The following TBCK variants were observed in gnomAD, a reference collection of about 807,000 sequenced individuals.
The protein encoded by TBCK is TBC1 domain containing kinase, also known as TBC domain-containing protein kinase-like protein.
Under a neutral mutation model 113.4 loss-of-function variants are expected in TBCK, and 99 were observed. The ratio of observed to expected loss-of-function variants is 0.87; its 90% CI spans 0.74 to 1.03. TBCK has a LOEUF of 1.03. Ranked by LOEUF, TBCK falls within the 50% of genes least tolerant of loss-of-function variation. TBCK has a pLI of 0.00. For synonymous variants in TBCK, 369 were observed against 370.8 expected, an observed-to-expected ratio of 1.00 and a Z score of 0.05; for missense variants, 1,045 against 1,061.3, an observed-to-expected ratio of 0.98 and a Z score of 0.21.
chr4:106,235,192 AT>A, intron 15 of TBCK, 76 bp downstream of exon 15: 1 of 886,300 alleles, frequency 1.1e-6, no homozygotes, highest in Non-Finnish European at 1.6e-6. Flanking sequence ...AGAAAAATAT[AT>A]ATTTGGAAAG....
chr4:106,220,537 A>G (rs1757557602), intron 19 of TBCK, among the ~76,000 whole-genome samples: 1 of 138,524 alleles, frequency 7.2e-6, no homozygotes, highest in Admixed American at 7.7e-5. Flanking sequence ...GGGCAAAAAG[A>G]AAAAAAGATG....
intron 5 of TBCK, among the ~76,000 whole-genome samples, chr4:106,260,233 A>G (rs1421777794): frequency 2.0e-5 from 3 of 151,924 alleles, no homozygotes; most frequent in Non-Finnish European, 4.4e-5. Flanking sequence ...TGCCAATTCA[A>G]TGAATGATGA....
intron 25 of TBCK, among the ~76,000 whole-genome samples, chr4:106,086,232 A>G (rs1471761018): frequency 6.6e-6 from 1 of 152,214 alleles, no homozygotes; most frequent in Non-Finnish European, 1.5e-5. Flanking sequence ...TAGACAGGAT[A>G]AAAATGATAA....
intron 25 of TBCK, among the ~76,000 whole-genome samples, chr4:106,055,500 T>C (rs947225002): frequency 9.3e-5 from 14 of 151,348 alleles, no homozygotes; most frequent in Admixed American, 5.3e-4. Context: ...CATCTTAGCA[T>C]GAGTGTGAGT....
intron 20 of TBCK, among the ~76,000 whole-genome samples, chr4:106,211,428 T>C (rs1468117083): frequency 6.6e-6 from 1 of 152,130 alleles, no homozygotes; most frequent in East Asian, 1.9e-4. Context: ...TTTAGGTTTA[T>C]AAAATCATCT....
chr4:106,182,582 C>T (rs1421355794), intron 22 of TBCK: 1 of 151,962 alleles, frequency 6.6e-6, no homozygotes, highest in Non-Finnish European at 1.5e-5. Flanking sequence ...GCATGAAAGG[C>T]TGTTGAATTT....
chr4:106,181,744 A>C (rs1752412701), intron 22 of TBCK, among the ~76,000 whole-genome samples: 1 of 152,122 alleles, frequency 6.6e-6, no homozygotes, highest in Non-Finnish European at 1.5e-5. Context: ...GTTTTTGTAC[A>C]GTACCATGCT....
intron 25 of TBCK, among the ~76,000 whole-genome samples, chr4:106,053,025 A>G (rs1012910085): frequency 2.0e-5 from 3 of 151,730 alleles, no homozygotes; most frequent in African/African-American, 7.2e-5. Flanking sequence ...CTTCCTGTAA[A>G]ATATAATCAA....
chr4:106,090,702 A>G (rs1186714636), intron 25 of TBCK, among the ~76,000 whole-genome samples: 1 of 151,862 alleles, frequency 6.6e-6, no homozygotes, highest in Non-Finnish European at 1.5e-5. Flanking sequence ...TCTGCCAGGT[A>G]TCTTGTCATC....
At chr4:106,217,337 T>C (rs1409314040) in intron 19 of TBCK, among the ~76,000 whole-genome samples, 1 of 152,106 alleles carries the variant, frequency 6.6e-6, no homozygotes, top group African/African-American at 2.4e-5. Flanking sequence ...TCACCACTCC[T>C]ATTCAACATA....
At chr4:106,263,858 TTTAC>T (rs1762729521) in intron 3 of TBCK, among the ~76,000 whole-genome samples, 1 of 152,044 alleles carries the variant, frequency 6.6e-6, no homozygotes, top group African/African-American at 2.4e-5. Flanking sequence ...TGGTTAGATT[TTTAC>T]TTACTTACTA....
In TBCK at chr4:106,177,943, T is replaced by C. The variant is rs150968304; in HGVS notation, c.2060-6673A>G. On this transcript the variant is annotated intron_variant, in intron 22 of 25. Transcript: ENST00000394708. ...AGCATGAACATGTTAACATTATTAATTCTTCTAATCTATAAGCACATGATA... is the reference window on the plus strand; with the variant it reads ...AGCATGAACATGTTAACATTATTAACTCTTCTAATCTATAAGCACATGATA... Among the ~76,000 whole-genome samples the C allele has an allele frequency of 3.0e-4, 45 of 152,166 alleles. 1 individual carries two copies. Among genetic ancestry groups the C allele is most frequent in the African/African-American group, 9.9e-4 (41 of 41,558 alleles).
At chr4:106,063,189 C>T (rs1006234796) in intron 25 of TBCK, among the ~76,000 whole-genome samples, 6 of 151,970 alleles carry the variant, frequency 3.9e-5, no homozygotes, top group African/African-American at 7.2e-5. Context: ...CATTTGCTGA[C>T]GAGCAAGGCA....
chr4:106,047,520 C>A (rs1237300744), intron 25 of TBCK, among the ~76,000 whole-genome samples: 1 of 152,160 alleles, frequency 6.6e-6, no homozygotes, highest in African/African-American at 2.4e-5. Context: ...TAACCTCAAA[C>A]CTGCCTAACT....
intron 23 of TBCK, among the ~76,000 whole-genome samples, chr4:106,135,240 T>A (rs1370000700): frequency 6.6e-6 from 1 of 151,390 alleles, no homozygotes; most frequent in Non-Finnish European, 1.5e-5. Flanking sequence ...AGATATTTTA[T>A]ATATAATAAA....
At chr4:106,146,806 C>A (rs1747859932) in intron 23 of TBCK, among the ~76,000 whole-genome samples, 1 of 152,170 alleles carries the variant, frequency 6.6e-6, no homozygotes, top group South Asian at 2.1e-4. Context: ...CTCTTCCTTT[C>A]ACAAAAGATT....
rs114211639 is a variant in TBCK, at chr4:106,109,341, A to G, written c.2411+6862T>C. Among the ~76,000 whole-genome samples the G allele has an allele frequency of 3.9e-3, 590 of 152,278 alleles. 5 individuals are homozygous for G. Among genetic ancestry groups the G allele is most frequent in the African/African-American group, 0.014 (563 of 41,556 alleles). ...AGACGATGCTAAGCAAAAAGAAGAA[A>G]GCTGGAGACATCATGCTACCCAACT... is the stretch of plus-strand genomic sequence containing the variant. On this transcript the variant is annotated intron_variant, in intron 24 of 25. Coordinates refer to ENST00000394708, the MANE Select transcript of TBCK (RefSeq NM_001163435.3).
intron 1 of TBCK, among the ~76,000 whole-genome samples, chr4:106,310,972 G>A (rs188808934): frequency 6.6e-6 from 1 of 152,100 alleles, no homozygotes; most frequent in Admixed American, 6.6e-5. Flanking sequence ...ATGGCCAATA[G>A]ATACATGAGA....
chr4:106,209,713 T>C (rs1034227143), intron 20 of TBCK, among the ~76,000 whole-genome samples: 3 of 152,128 alleles, frequency 2.0e-5, no homozygotes, highest in African/African-American at 7.2e-5. Context: ...GTCTGTTTTG[T>C]GTTCTCTCTT....
Sources: gnomAD v4.1 joint callset for allele counts (sites outside exome capture counted in the v4.1 genomes callset) on GRCh38, gnomAD v4.1.1 for gene constraint, MANE v1.5 for transcripts, NCBI Gene and HGNC (gene_info 2026-07-23, HGNC 2026-07-21) for gene names.